The following CSMD1 variants were observed in gnomAD, a reference collection of about 807,000 sequenced individuals.
CSMD1 encodes the protein CUB and Sushi multiple domains 1, also known as CUB and sushi domain-containing protein 1.
Under a neutral mutation model 417.5 loss-of-function variants are expected in CSMD1, and 213 were observed. The observed-to-expected ratio is 0.51, with a 90% CI of 0.46 to 0.57. The LOEUF (loss-of-function observed/expected upper bound fraction) is 0.57. Among genes scored for constraint, CSMD1 ranks in the 20% least tolerant of loss-of-function variants. The pLI, the probability that CSMD1 is intolerant of heterozygous loss-of-function variation, is 0.00. For missense variants in CSMD1, 6,923 were observed against 4,529.7 expected, an observed-to-expected ratio of 1.53 and a Z score of -15.17; for synonymous variants, 2,862 against 1,736.8, an observed-to-expected ratio of 1.65 and a Z score of -16.11.
In CSMD1 at chr8:4,136,632, T is replaced by C. The variant is rs143967655; in HGVS notation, c.416-104533A>G. Among the ~76,000 whole-genome samples, 29 of 152,318 alleles carry C rather than the reference T, an allele frequency of 1.9e-4. No homozygotes were observed. In the East Asian group the frequency reaches 1.9e-3, roughly 10 times the overall value. On this transcript the variant is annotated intron_variant, in intron 3 of 69. Transcript: ENST00000635120. ...GAGGTTGAATATATTTCCATAAAAATAGTGAGACAGCATTTTCCTTTTTTC... is the reference window on the plus strand; with the variant it reads ...GAGGTTGAATATATTTCCATAAAAACAGTGAGACAGCATTTTCCTTTTTTC...
intron 25 of CSMD1, among the ~76,000 whole-genome samples, chr8:3,291,033 A>G (rs970559196): frequency 2.6e-5 from 4 of 152,130 alleles, no homozygotes; most frequent in Non-Finnish European, 4.4e-5. Context: ...TTTTAGCATG[A>G]AGGGTTGTTG....
chr8:4,853,083 T>G (rs1393685923), intron 1 of CSMD1, among the ~76,000 whole-genome samples: 1 of 152,188 alleles, frequency 6.6e-6, no homozygotes, highest in Non-Finnish European at 1.5e-5. Flanking sequence ...ATTTGCAGCC[T>G]ACCCATGTGG....
intron 3 of CSMD1, among the ~76,000 whole-genome samples, chr8:4,235,379 GTT>G (rs1272758912): frequency 6.8e-6 from 1 of 147,344 alleles, no homozygotes; most frequent in Non-Finnish European, 1.5e-5. Context: ...TTGTTTGTTT[GTT>G]TTTTGTTTTT....
intron 3 of CSMD1, among the ~76,000 whole-genome samples, chr8:4,399,028 G>C (rs1021638965): frequency 6.6e-6 from 1 of 152,152 alleles, no homozygotes; most frequent in East Asian, 1.9e-4. Context: ...TTGTAAATAA[G>C]TATGAGACAA....
rs75752968 is a variant in CSMD1 at position 4,026,071 on chromosome 8, G to C, written c.610+5834C>G. 7.1e-3 allele frequency among the ~76,000 whole-genome samples: 1,068 copies of C among 150,896 alleles called. 57 individuals are homozygous for C. The East Asian group carries it at 0.14, about 20-fold the overall frequency. On this transcript the variant is annotated intron_variant, in intron 4 of 69. Transcript: ENST00000635120. Reference sequence around the variant, plus strand: ...AATAAATAAGTATTAATAGAACTTTGGGGAAGCAGAATATATACTCATTTC... The same window carrying C: ...AATAAATAAGTATTAATAGAACTTTCGGGAAGCAGAATATATACTCATTTC...
chr8:3,803,339 T>C (rs1026246330), intron 5 of CSMD1, among the ~76,000 whole-genome samples: 8 of 152,022 alleles, frequency 5.3e-5, no homozygotes, highest in Non-Finnish European at 8.8e-5. Context: ...AATACTTCAA[T>C]AGACAAGACA....
At chr8:3,437,985 C>T (rs1030189463) in intron 12 of CSMD1, among the ~76,000 whole-genome samples, 3 of 152,074 alleles carry the variant, frequency 2.0e-5, no homozygotes, top group Non-Finnish European at 2.9e-5. Flanking sequence ...AGATGATCCG[C>T]TCACCTCAGC....
chr8:3,865,051 C>T (rs1252431172), intron 5 of CSMD1, among the ~76,000 whole-genome samples: 1 of 152,138 alleles, frequency 6.6e-6, no homozygotes, highest in Admixed American at 6.5e-5. Flanking sequence ...TGCTTTGATT[C>T]TATTTCTCGG....
chr8:4,640,600 A>G (rs1458067036), intron 1 of CSMD1, among the ~76,000 whole-genome samples: 1 of 152,190 alleles, frequency 6.6e-6, no homozygotes, highest in Non-Finnish European at 1.5e-5. Context: ...AACGATGTAC[A>G]TCTAAGCTTA....
At chr8:3,447,837 T>C (rs536969406) in intron 12 of CSMD1, among the ~76,000 whole-genome samples, 2 of 152,246 alleles carry the variant, frequency 1.3e-5, no homozygotes, top group East Asian at 1.9e-4. Context: ...GGGTTTGAGA[T>C]GGAGGCCATC....
At chr8:3,832,052 C>G (rs142128994) in intron 5 of CSMD1, among the ~76,000 whole-genome samples, 2 of 152,170 alleles carry the variant, frequency 1.3e-5, no homozygotes, top group African/African-American at 2.4e-5. Context: ...ATCACTGTTA[C>G]CAGCCCTTCT....
intron 2 of CSMD1, among the ~76,000 whole-genome samples, chr8:4,487,595 T>C (rs977550209): frequency 6.6e-6 from 1 of 152,212 alleles, no homozygotes; most frequent in East Asian, 1.9e-4. Context: ...TTCCAAGTCT[T>C]TGCTATTGTG....
intron 2 of CSMD1, among the ~76,000 whole-genome samples, chr8:4,497,023 T>A (rs1196115593): frequency 6.6e-6 from 1 of 152,056 alleles, no homozygotes; most frequent in Non-Finnish European, 1.5e-5. Flanking sequence ...AAAAATAAAA[T>A]AAAATACCCA....
chr8:3,451,530 A>G (rs1300761242), intron 12 of CSMD1, among the ~76,000 whole-genome samples: 1 of 152,212 alleles, frequency 6.6e-6, no homozygotes, highest in Non-Finnish European at 1.5e-5. Flanking sequence ...GTCTTTCTAC[A>G]TATAGCTAGC....
intron 54 of CSMD1, among the ~76,000 whole-genome samples, chr8:2,981,610 T>C (rs1805430522): frequency 6.6e-6 from 1 of 152,100 alleles, no homozygotes; most frequent in South Asian, 2.1e-4. Context: ...ATGAGAACAC[T>C]GATGTCTTAT....
At chr8:4,963,851 T>C (rs1167000112) in intron 1 of CSMD1, among the ~76,000 whole-genome samples, 4 of 152,162 alleles carry the variant, frequency 2.6e-5, no homozygotes, top group African/African-American at 9.7e-5. Context: ...CCAATCATAC[T>C]AGCCTAACCT....
intron 1 of CSMD1, among the ~76,000 whole-genome samples, chr8:4,950,198 T>A (rs1312569285): frequency 2.6e-5 from 4 of 152,170 alleles, no homozygotes; most frequent in African/African-American, 7.2e-5. Context: ...TGTACCAATG[T>A]CTTCTGAAAA....
chr8:4,916,218 C>T (rs187535745), intron 1 of CSMD1, among the ~76,000 whole-genome samples: 13 of 152,190 alleles, frequency 8.5e-5, no homozygotes, highest in Non-Finnish European at 1.5e-4. Flanking sequence ...CCGTAGATGA[C>T]CACAATTATA....
chr8:4,610,061 C>T (rs1311449969), intron 2 of CSMD1, among the ~76,000 whole-genome samples: 1 of 151,910 alleles, frequency 6.6e-6, no homozygotes, highest in Admixed American at 6.6e-5. Context: ...TCATTTCATC[C>T]AAATTCTTGC....
Sources: gnomAD v4.1 joint callset for allele counts (sites outside exome capture counted in the v4.1 genomes callset) on GRCh38, gnomAD v4.1.1 for gene constraint, MANE v1.5 for transcripts, NCBI Gene and HGNC (gene_info 2026-07-23, HGNC 2026-07-21) for gene names.